The following DPP6 variants were observed in gnomAD, a reference collection of about 807,000 sequenced individuals.
The protein encoded by DPP6 is dipeptidyl peptidase like 6.
Under a neutral mutation model 122.6 loss-of-function variants are expected in DPP6, and 69 were observed. The observed-to-expected ratio is 0.56, with a 90% CI of 0.46 to 0.69. DPP6 has a LOEUF of 0.69. DPP6 is among the 30% of genes least tolerant of loss of function. The pLI is 0.00. For missense variants in DPP6, 928 were observed against 1,116.9 expected (o/e 0.83, Z 2.41); for synonymous variants, 418 against 433.1 (o/e 0.97, Z 0.43).
intron 2 of DPP6, among the ~76,000 whole-genome samples, chr7:154,447,853 A>T (rs1227772453): frequency 6.6e-6 from 1 of 152,238 alleles, no homozygotes; most frequent in Non-Finnish European, 1.5e-5. Flanking sequence ...CAGAATAAGC[A>T]TGTGACAAAA....
chr7:153,792,202 CTGT>C, the DPP6 span, among the ~76,000 whole-genome samples: 1 of 152,218 alleles, frequency 6.6e-6, no homozygotes, highest in East Asian at 1.9e-4. Context: ...TTGATGTTCA[CTGT>C]TGTTCCACAT....
rs1348171889 is a variant in DPP6 at position 154,221,861 on chromosome 7, C to T, written c.243+168798C>T. On this transcript the variant is annotated intron_variant, in intron 1 of 25. Coordinates refer to ENST00000377770, the MANE Select transcript of DPP6 (RefSeq NM_130797.4). Reference sequence around the variant, plus strand: ...AGAGATAATAGTTGTATGATAGCACCCCCAGTTTAAATATAACACTTTTGC... The same window carrying T: ...AGAGATAATAGTTGTATGATAGCACTCCCAGTTTAAATATAACACTTTTGC... Among the ~76,000 whole-genome samples, 4 of 151,878 alleles carry T rather than the reference C, an allele frequency of 2.6e-5. No homozygotes were observed. The East Asian group carries it at 7.7e-4, about 29-fold the overall frequency.
intron 7 of DPP6, among the ~76,000 whole-genome samples, chr7:154,707,820 C>A (rs1238321222): frequency 2.6e-5 from 4 of 152,140 alleles, no homozygotes; most frequent in African/African-American, 9.7e-5. Context: ...AAAGCACGTC[C>A]TACATAGCAG....
At chr7:154,841,163 G>A (rs1350558655) in intron 16 of DPP6, among the ~76,000 whole-genome samples, 1 of 152,170 alleles carries the variant, frequency 6.6e-6, no homozygotes, top group African/African-American at 2.4e-5. Flanking sequence ...CATACCAGGA[G>A]CTGCGAGAAG....
At chr7:154,705,958 A>G (rs1028704455) in intron 7 of DPP6, among the ~76,000 whole-genome samples, 2 of 152,190 alleles carry the variant, frequency 1.3e-5, no homozygotes, top group African/African-American at 4.8e-5. Flanking sequence ...TGTGAAGGCC[A>G]CTGTTGTTCC....
intron 1 of DPP6, among the ~76,000 whole-genome samples, chr7:154,405,030 T>A (rs1815959249): frequency 1.4e-5 from 2 of 138,994 alleles, no homozygotes; most frequent in African/African-American, 5.6e-5. Flanking sequence ...TACATAAATA[T>A]GTGTGTGTAC....
intron 1 of DPP6, chr7:154,305,011 GGCCCCCTCCCCA>G (rs1234989012): frequency 6.6e-6 from 1 of 151,170 alleles, no homozygotes; most frequent in Admixed American, 6.8e-5. Context: ...CTGCCTCCGC[GGCCCCCTCCCCA>G]GCCCCAGCCC....
At chr7:153,892,637 T>TTTTCCTCTG (rs1387769318) in intron 1 of DPP6, among the ~76,000 whole-genome samples, 47 of 152,286 alleles carry the variant, frequency 3.1e-4, no homozygotes, top group African/African-American at 1.1e-3. Flanking sequence ...GGGACAGCAT[T>TTTTCCTCTG]TCTAGGAGTG....
At chr7:154,496,970 C>T (rs1269315732) in intron 3 of DPP6, among the ~76,000 whole-genome samples, 1 of 152,162 alleles carries the variant, frequency 6.6e-6, no homozygotes, top group Non-Finnish European at 1.5e-5. Context: ...CTCATCCATT[C>T]ACTCATGCAG....
intron 1 of DPP6, among the ~76,000 whole-genome samples, chr7:154,101,815 C>A (rs1805745891): frequency 1.3e-5 from 2 of 151,270 alleles, no homozygotes; most frequent in Non-Finnish European, 2.9e-5. Flanking sequence ...GTAATCCCAG[C>A]TTCTCGGGAG....
upstream of DPP6, among the ~76,000 whole-genome samples, chr7:154,051,437 A>T (rs1585231590): frequency 6.6e-6 from 1 of 150,676 alleles, no homozygotes; most frequent in Non-Finnish European, 1.5e-5. Context: ...GCCGGGGAGG[A>T]CGCGGGAGGG....
chr7:154,881,876 G>T (rs1237177617), intron 21 of DPP6, among the ~76,000 whole-genome samples: 3 of 152,174 alleles, frequency 2.0e-5, no homozygotes, highest in Non-Finnish European at 2.9e-5. Flanking sequence ...CCCTAGAGGT[G>T]CATTCCAGGT....
At chr7:154,254,437 G>A (rs78972131) in intron 1 of DPP6, among the ~76,000 whole-genome samples, 6,094 of 152,256 alleles carry the variant, frequency 0.04, 192 homozygotes, top group East Asian at 0.13. Context: ...TGAAGTGATA[G>A]CATGTGTCAT....
chr7:154,251,362 C>T (rs1187588996), intron 1 of DPP6, among the ~76,000 whole-genome samples: 1 of 152,166 alleles, frequency 6.6e-6, no homozygotes, highest in African/African-American at 2.4e-5. Context: ...AGCCGTGAAG[C>T]CATTAAGGAA....
At chr7:153,818,918 A>C in the DPP6 span, among the ~76,000 whole-genome samples, 8 of 151,576 alleles carry the variant, frequency 5.3e-5, no homozygotes, top group South Asian at 1.5e-3. Context: ...CGCTTGGCTA[A>C]TTTTTGTATT....
rs1251043816 is a variant in DPP6 at position 154,060,815 on chromosome 7, T to TCGC, written c.243+7752_243+7753insCGC. Among the ~76,000 whole-genome samples, 26 of 47,618 alleles carry TCGC rather than the reference T, an allele frequency of 5.5e-4. 1 individual carries two copies. The highest frequency in any genetic ancestry group is 7.6e-4 in the African/African-American group (5 of 6,606). The allele number at this position is 47,618 out of a possible 152,430, so 31.2% of individuals were successfully genotyped here. ...TCACAGGAGGGGGACGCACCCCCCA[T>TCGC]GAGGCAGGGACTGAGAGCCAGCCCC... On this transcript the variant is annotated intron_variant, in intron 1 of 25. Transcript: ENST00000377770.
At chr7:154,010,720 G>A (rs1798118088) in intron 1 of DPP6, among the ~76,000 whole-genome samples, 1 of 152,124 alleles carries the variant, frequency 6.6e-6, no homozygotes, top group African/African-American at 2.4e-5. Flanking sequence ...CTTGACTTGG[G>A]GAAATTTAGA....
intron 1 of DPP6, among the ~76,000 whole-genome samples, chr7:154,192,163 T>A (rs565788572): frequency 6.6e-6 from 1 of 152,332 alleles, no homozygotes; most frequent in African/African-American, 2.4e-5. Flanking sequence ...GGCAAAGATT[T>A]TAAGATGAAA....
intron 1 of DPP6, among the ~76,000 whole-genome samples, chr7:153,962,381 C>T (rs1795396936): frequency 6.6e-6 from 1 of 152,176 alleles, no homozygotes; most frequent in African/African-American, 2.4e-5. Flanking sequence ...TGGTAATAGC[C>T]TTCCTTGCCT....
Sources: allele counts gnomAD v4.1 joint callset (sites outside exome capture counted in the v4.1 genomes callset), GRCh38; gene constraint gnomAD v4.1.1; transcripts MANE v1.5; gene names NCBI Gene and HGNC (gene_info 2026-07-23, HGNC 2026-07-21).